The following CHAF1B variants were observed in gnomAD, a reference collection of about 807,000 sequenced individuals.
CHAF1B encodes CAF-1 subunit B.
Under a neutral mutation model 60.7 loss-of-function variants are expected in CHAF1B, and 10 were observed. The observed-to-expected ratio is 0.16, with a 90% CI of 0.10 to 0.28. CHAF1B has a LOEUF of 0.28. Ranked by LOEUF, CHAF1B falls within the 10% of genes least tolerant of loss-of-function variation. The pLI is 1.00. For missense variants in CHAF1B, 558 were observed against 708.4 expected, an observed-to-expected ratio of 0.79 and a Z score of 2.41; for synonymous variants, 261 against 266.1, an observed-to-expected ratio of 0.98 and a Z score of 0.19.
At chr21:36,391,908 T>TG (rs1491506377) in intron 4 of CHAF1B, among the ~76,000 whole-genome samples, 84 of 57,234 alleles carry the variant, frequency 1.5e-3, no homozygotes, top group Non-Finnish European at 1.9e-3. Context: ...GATTTTTAAA[T>TG]TTTTTTTTTT....
intron 13 of CHAF1B, 90 bp from the exon 14 acceptor site, chr21:36,416,185 C>G: frequency 8.9e-7 from 1 of 1,121,810 alleles, no homozygotes; most frequent in Admixed American, 2.4e-5. Context: ...AGCTCAGTTC[C>G]GTGTCTTGGC....
At chr21:36,392,242 G>A (rs1184936509) in intron 4 of CHAF1B, among the ~76,000 whole-genome samples, 2 of 152,078 alleles carry the variant, frequency 1.3e-5, no homozygotes, top group African/African-American at 2.4e-5. Flanking sequence ...GGGGTTGGGG[G>A]TAAGGTTATA....
chr21:36,414,950 C>T lies in CHAF1B; in HGVS notation c.1494-345C>T, dbSNP rs1303413325. Among the ~76,000 whole-genome samples the T allele has an allele frequency of 5.9e-5, 9 of 152,262 alleles. No homozygotes were observed. The South Asian group carries it at 1.2e-3, about 21-fold the overall frequency. On this transcript the variant is annotated intron_variant, in intron 12 of 13. Coordinates refer to ENST00000314103, the MANE Select transcript of CHAF1B (RefSeq NM_005441.3). The stretch of plus-strand genomic sequence containing the variant: ...TTTTAAAAAAGTATTACCTGTGTTT[C>T]GACGCTTTCTATATATAGAAACCAT...
Position 36,413,115 on chromosome 21 carries a change from C to T in CHAF1B, c.1293C>T (p.Gly431=). Residue 431 remains glycine, a synonymous_variant, in exon 12 of 14, where the codon GGC becomes GGT. Coordinates refer to ENST00000314103, the MANE Select transcript of CHAF1B (RefSeq NM_005441.3). ...GAACCCAAGACCCCAGCAGCCCCGGCACGACTCCCCCTCAGGCCAGACAGG... is the reference window on the plus strand; with the variant it reads ...GAACCCAAGACCCCAGCAGCCCCGGTACGACTCCCCCTCAGGCCAGACAGG... ...ASRTQDPSSP[G]TTPPQARQAP... 3 of 1,614,070 alleles carry T rather than the reference C, an allele frequency of 1.9e-6. No individual in the cohort carries two copies. The highest frequency in any genetic ancestry group is 1.7e-6 in the Non-Finnish European group (2 of 1,180,012).
In CHAF1B at chr21:36,408,805, G is replaced by A. The variant is rs201944985; in HGVS notation, c.802G>A (p.Val268Ile). 19 of 1,608,200 alleles carry A rather than the reference G, an allele frequency of 1.2e-5. No homozygotes were observed. In the East Asian group the frequency reaches 4.0e-4, roughly 34 times the overall value. The change falls in exon 9 of 14, where the codon GTT (valine) becomes ATT (isoleucine). Residue 268 changes from valine to isoleucine, a missense_variant. This residue lies in a region of CHAF1B where 325 missense variants were observed against 493.5 expected (regional missense o/e 0.66). Coordinates refer to ENST00000314103, the MANE Select transcript of CHAF1B (RefSeq NM_005441.3). ...TGAAAATGTAATGAATACCACTTAT[G>A]TTTTCTCCAGGAAGAATCTTAAAAG... ...SGENVMNTTY[V>I]FSRKNLKRPI...
intron 7 of CHAF1B, among the ~76,000 whole-genome samples, chr21:36,401,688 CAT>C (rs943834480): frequency 1.7e-3 from 239 of 137,396 alleles, no homozygotes; most frequent in African/African-American, 5.5e-3. Context: ...ATATCTATTA[CAT>C]ATATATATAT....
intron 10 of CHAF1B, 62 bp downstream of exon 10, chr21:36,409,527 G>A: frequency 8.2e-7 from 1 of 1,223,132 alleles, no homozygotes; most frequent in East Asian, 2.4e-5. Context: ...CCAGAGTGGG[G>A]TGGAGATTTG....
At chr21:36,386,554 C>T (rs1438546715) in intron 2 of CHAF1B, among the ~76,000 whole-genome samples, 1 of 152,148 alleles carries the variant, frequency 6.6e-6, no homozygotes, top group Non-Finnish European at 1.5e-5. Flanking sequence ...GCAACGATCA[C>T]TCCACTGCAC....
At chr21:36,392,546 C>G (rs1458758408) in intron 4 of CHAF1B, among the ~76,000 whole-genome samples, 1 of 144,286 alleles carries the variant, frequency 6.9e-6, no homozygotes, top group African/African-American at 2.6e-5. Context: ...GCTGGCCGGG[C>G]GGGGGCTGCC....
intron 8 of CHAF1B, among the ~76,000 whole-genome samples, chr21:36,403,255 C>G (rs2086206335): frequency 6.6e-6 from 1 of 151,766 alleles, no homozygotes; most frequent in Non-Finnish European, 1.5e-5. Flanking sequence ...GTCAAGAGTT[C>G]ATGACCAGCC....
rs765367431 is a variant in CHAF1B, at chr21:36,386,202, G to A, written c.66G>A (p.Gln22=). Residue 22 remains glutamine (Q), a synonymous_variant, in exon 2 of 14, where the codon CAG becomes CAA. Transcript: ENST00000314103. ...AGCCCGTGTACAGCCTGGACTTCCA[G>A]CATGGGACGGCTGGGAGGATCCACA... The part of the protein sequence containing the change: ...NKEPVYSLDF[Q]HGTAGRIHRL... 6.2e-6 allele frequency: 10 copies of A among 1,614,206 alleles called. No individual in the cohort carries two copies. In the South Asian group the frequency reaches 1.1e-4, roughly 18 times the overall value.
intron 8 of CHAF1B, among the ~76,000 whole-genome samples, chr21:36,408,108 T>C (rs2086251511): frequency 6.6e-6 from 1 of 152,204 alleles, no homozygotes; most frequent in African/African-American, 2.4e-5. Flanking sequence ...TGTGTATATG[T>C]ATCAAGAAAT....
intron 11 of CHAF1B, 54 bp from the exon 12 acceptor site, chr21:36,412,827 AAGT>A: frequency 6.6e-7 from 1 of 1,521,368 alleles, no homozygotes; most frequent in East Asian, 2.3e-5. Flanking sequence ...TCCCTCTTCT[AAGT>A]AGATGTGAGA....
chr21:36,395,221 TG>T (rs1411503688), intron 5 of CHAF1B, among the ~76,000 whole-genome samples: 1 of 151,298 alleles, frequency 6.6e-6, no homozygotes, highest in Non-Finnish European at 1.5e-5. Context: ...GGCTAATTTT[TG>T]TATCATTAAC....
Position 36,389,800 on chromosome 21 carries a change from T to TGTGCGCGCGCGCGCGCGC in CHAF1B, c.260-1750_260-1749insTGCGCGCGCGCGCGCGCG. Among the ~76,000 whole-genome samples the TGTGCGCGCGCGCGCGCGC allele has an allele frequency of 1.8e-3, 226 of 124,776 alleles. 2 individuals carry two copies. The highest frequency in any genetic ancestry group is 7.6e-3 in the African/African-American group (215 of 28,422). 81.9% of individuals were successfully genotyped at this position (124,776 alleles called of 152,430 possible). A position where few individuals can be genotyped will look rare whatever the true frequency, so the allele number is the denominator to read the frequency against. ...GTGTGTGTGTGTGTGTGTGTGTGTG[T>TGTGCGCGCGCGCGCGCGC]GCGCGCGCACGCTGATTTGTAGAGG... On this transcript the variant is annotated intron_variant, in intron 3 of 13. Coordinates refer to ENST00000314103, the MANE Select transcript of CHAF1B (RefSeq NM_005441.3).
intron 6 of CHAF1B, chr21:36,397,753 ACT>A (rs910385315): frequency 4.9e-5 from 10 of 205,198 alleles, no homozygotes; most frequent in Non-Finnish European, 8.9e-5. Flanking sequence ...ACACAGTCTC[ACT>A]CTGTCACCCA....
intron 3 of CHAF1B, 25 bp downstream of exon 3, chr21:36,387,755 T>G (rs370632953): frequency 9.9e-6 from 16 of 1,613,552 alleles, no homozygotes; most frequent in African/African-American, 1.3e-5. Context: ...CCTTCAGAGA[T>G]TCTTCGGGAA....
chr21:36,397,719 CTTTTTTTTTTTT>C, intron 6 of CHAF1B: 7 of 133,608 alleles, frequency 5.2e-5, no homozygotes, highest in Admixed American at 8.1e-5. Flanking sequence ...CTTAGTAAAT[CTTTTTTTTTTTT>C]TTTTTTTTTA....
At chr21:36,403,279 G>T (rs1162398133) in intron 8 of CHAF1B, among the ~76,000 whole-genome samples, 1 of 151,644 alleles carries the variant, frequency 6.6e-6, no homozygotes, top group Non-Finnish European at 1.5e-5. Context: ...CCAACATGGT[G>T]AAACACCCTC....
Sources: allele counts gnomAD v4.1 joint callset (sites outside exome capture counted in the v4.1 genomes callset), GRCh38; gene constraint gnomAD v4.1.1; regional missense constraint gnomAD v4.1.1; transcripts MANE v1.5; gene names NCBI Gene and HGNC (gene_info 2026-07-23, HGNC 2026-07-21).